The following CD180 variants were observed in gnomAD, a reference collection of about 807,000 sequenced individuals.
The protein encoded by CD180 is CD180 molecule, also known as CD180 antigen.
In CD180, 11 loss-of-function variants were observed where a neutral mutation model predicts 10.7. The ratio of observed to expected loss-of-function variants is 1.03; its 90% CI spans 0.65 to 1.70. The LOEUF is 1.70. Among genes scored for constraint, CD180 ranks in the 40% most tolerant of loss-of-function variants. The pLI is 0.00. For synonymous variants in CD180, 286 were observed against 294.6 expected (o/e 0.97, Z 0.30); for missense variants, 729 against 775.2 (o/e 0.94, Z 0.71).
rs1469342639 is a variant in CD180, at chr5:67,188,429, G to C, written c.91-2412C>G. On this transcript the variant is annotated intron_variant, in intron 1 of 2. Transcript: ENST00000256447. ...AAGCACAAGAACAAGGACATCCCAG[G>C]ACCTTGGGCCAGCTCTCAGATCATC... is the stretch of plus-strand genomic sequence containing the variant. 2.0e-5 allele frequency among the ~76,000 whole-genome samples: 3 copies of C among 152,168 alleles called. No individual in the cohort carries two copies. In the East Asian group the frequency reaches 5.8e-4, roughly 29 times the overall value.
Position 67,179,963 on chromosome 5 carries a change from A to T in CD180, c.*2894T>A, listed in dbSNP as rs932402272. 7 of 152,274 alleles carry T rather than the reference A, an allele frequency of 4.6e-5. No homozygotes were observed. Among genetic ancestry groups the T allele is most frequent in the African/African-American group, 1.4e-4 (6 of 41,472 alleles). The allele number at this position is 152,274 out of a possible 1,614,324, so 9.4% of individuals were successfully genotyped here. On this transcript the variant is annotated 3_prime_UTR_variant, in exon 3 of 3. Coordinates refer to ENST00000256447, the MANE Select transcript of CD180 (RefSeq NM_005582.3). ...GGAGTAGCTTGTCAGAGCAGCAACA[A>T]CATGCAATACATAAAACCAATAAAC...
At chr5:67,187,184 G>C (rs1175304758) in intron 1 of CD180, among the ~76,000 whole-genome samples, 1 of 152,184 alleles carries the variant, frequency 6.6e-6, no homozygotes, top group Non-Finnish European at 1.5e-5. Context: ...ACAGCATGAT[G>C]CTGGAATTGG....
chr5:67,183,325 A>G lies in CD180; in HGVS notation c.1518T>C (p.Cys506=). 2 of 1,614,214 alleles carry G rather than the reference A, an allele frequency of 1.2e-6. No homozygotes were observed. Among genetic ancestry groups the G allele is most frequent in the African/African-American group, 1.3e-5 (1 of 75,054 alleles). Residue 506 remains cysteine (C), a synonymous_variant, in exon 3 of 3, where the codon TGT becomes TGC. Transcript: ENST00000256447. The part of the protein sequence containing the change: ...GSLEVLILSS[C]GLLSIDQQAF... Reference sequence around the variant, plus strand: ...CTTGCTGGTCTATAGAGAGGAGACCACAAGAGGACAAAATCAGAACCTCCA... The same window carrying G: ...CTTGCTGGTCTATAGAGAGGAGACCGCAAGAGGACAAAATCAGAACCTCCA...
At chr5:67,196,012 G>A (rs1742395187) in intron 1 of CD180, among the ~76,000 whole-genome samples, 1 of 152,214 alleles carries the variant, frequency 6.6e-6, no homozygotes, top group Non-Finnish European at 1.5e-5. Context: ...AAAACAGAAG[G>A]TGCAATTTGG....
At chr5:67,185,062 TCACACACACA>T (rs57251966) in intron 2 of CD180, among the ~76,000 whole-genome samples, 1 of 145,008 alleles carries the variant, frequency 6.9e-6, no homozygotes, top group African/African-American at 2.6e-5. Context: ...AAATACTGGA[TCACACACACA>T]CACACACACA....
chr5:67,186,141 A>G (rs191493638), intron 1 of CD180, 124 bp from the exon 2 acceptor site: 18 of 583,116 alleles, frequency 3.1e-5, no homozygotes, highest in Non-Finnish European at 5.1e-5. Context: ...CCAAATATAC[A>G]CTTGCCAAAA....
Position 67,183,047 on chromosome 5 carries a change from A to G in CD180, c.1796T>C (p.Leu599Pro). ...ACACGTGGTCTCCTCCGAGCCTTCAAGTTTGTGCAGGTTTTCTTTGTACCA... is the reference window on the plus strand; with the variant it reads ...ACACGTGGTCTCCTCCGAGCCTTCAGGTTTGTGCAGGTTTTCTTTGTACCA... Reference protein sequence around the residue: ...LTWYKENLHKLEGSEETTCAN... With the variant: ...LTWYKENLHKPEGSEETTCAN... Residue 599 changes from leucine to proline, a missense_variant, in exon 3 of 3, where the codon CTT becomes CCT. Transcript: ENST00000256447. 2 of 1,613,584 alleles carry G rather than the reference A, an allele frequency of 1.2e-6. No homozygotes were observed. The highest frequency in any genetic ancestry group is 1.1e-5 in the South Asian group (1 of 90,922).
Position 67,183,625 on chromosome 5 carries a change from A to C in CD180, c.1218T>G (p.Asn406Lys), listed in dbSNP as rs1742108872. Residue 406 changes from asparagine (N) to lysine (K), a missense_variant, in exon 3 of 3, where the codon AAT (asparagine) becomes AAG (lysine). Transcript: ENST00000256447. ...CCTGACTCTGGAGACCAAGAGGCTC[A>C]TTGTGGCTCAGGTTTAAGGTTTGCA... ...SHLQTLNLSH[N>K]EPLGLQSQAF... is the part of the protein sequence containing the mutation. The C allele has an allele frequency of 1.2e-6, 2 of 1,614,224 alleles. No homozygotes were observed. The highest frequency in any genetic ancestry group is 1.7e-6 in the Non-Finnish European group (2 of 1,180,028).
chr5:67,187,641 G>T (rs1177927589), intron 1 of CD180, among the ~76,000 whole-genome samples: 2 of 152,208 alleles, frequency 1.3e-5, no homozygotes, highest in East Asian at 3.9e-4. Context: ...ATGAAGGGTA[G>T]TGGGGAAAAT....
intron 1 of CD180, among the ~76,000 whole-genome samples, chr5:67,188,933 T>A (rs192149665): frequency 6.6e-6 from 1 of 152,328 alleles, no homozygotes; most frequent in Non-Finnish European, 1.5e-5. Context: ...CATTTAAAAC[T>A]TAGATTTAGC....
intron 1 of CD180, among the ~76,000 whole-genome samples, chr5:67,190,084 C>T (rs1184918726): frequency 6.6e-6 from 1 of 152,124 alleles, no homozygotes; most frequent in Non-Finnish European, 1.5e-5. Context: ...GAGACAGTTC[C>T]TCAGCCTTTG....
At chr5:67,190,576 T>C (rs899150824) in intron 1 of CD180, among the ~76,000 whole-genome samples, 3 of 152,268 alleles carry the variant, frequency 2.0e-5, no homozygotes, top group African/African-American at 7.2e-5. Flanking sequence ...GACTTCTTGA[T>C]GTGAACTCAC....
rs1422928583 is a variant in CD180 at position 67,182,835 on chromosome 5, CT to C, written c.*21del. ...CAATTTTGCTAAGCACACTTATTTGCTTTCTCTGGAAACCTTCAGCACTAAA... is the reference window on the plus strand; with the variant it reads ...CAATTTTGCTAAGCACACTTATTTGCTTCTCTGGAAACCTTCAGCACTAAA... On this transcript the variant is annotated 3_prime_UTR_variant, in exon 3 of 3. Transcript: ENST00000256447. 4.5e-6 allele frequency: 7 copies of C among 1,559,658 alleles called. No homozygotes were observed. In the African/African-American group the frequency reaches 8.2e-5, roughly 18 times the overall value.
At chr5:67,188,485 C>T (rs1453872815) in intron 1 of CD180, among the ~76,000 whole-genome samples, 5 of 152,196 alleles carry the variant, frequency 3.3e-5, no homozygotes, top group Non-Finnish European at 5.9e-5. Flanking sequence ...TTCACCCTTC[C>T]AGCCCCTGCC....
chr5:67,183,186 T>A lies in CD180; in HGVS notation c.1657A>T (p.Asn553Tyr). The change falls in exon 3 of 3, where the codon AAC becomes TAC. Residue 553 changes from asparagine to tyrosine, a missense_variant. Asn to Tyr is a moderately radical substitution (Grantham distance 143). Transcript: ENST00000256447. ...LKGIYLNLAA[N>Y]SINIISPRLL... ...CGGGGTGAGATGATGTTAATGCTGT[T>A]GGCAGCCAGATTGAGGTAGATTCCC... 1 of 1,611,518 alleles carries A rather than the reference T, an allele frequency of 6.2e-7. No individual in the cohort carries two copies. Among genetic ancestry groups the A allele is most frequent in the Non-Finnish European group, 8.5e-7 (1 of 1,178,144 alleles).
Position 67,181,960 on chromosome 5 carries a change from C to T in CD180, c.*897G>A, listed in dbSNP as rs1259846334. On this transcript the variant is annotated 3_prime_UTR_variant, in exon 3 of 3. Coordinates refer to ENST00000256447, the MANE Select transcript of CD180 (RefSeq NM_005582.3). ...TCCGAAGCAAATAGGCTTTTAAGGG[C>T]AAGCCTGAGAACCAAACCACGATTT... 6.6e-6 allele frequency: 1 copy of T among 152,188 alleles called. No homozygotes were observed. Among genetic ancestry groups the T allele is most frequent in the African/African-American group, 2.4e-5 (1 of 41,454 alleles). The allele number at this position is 152,188 out of a possible 1,614,324, so 9.4% of individuals were successfully genotyped here. A position where few individuals can be genotyped will look rare whatever the true frequency, so the allele number is the denominator to read the frequency against.
At position 67,183,611 on chromosome 5, in the gene CD180, A is replaced by G; in HGVS notation, c.1232T>C (p.Leu411Pro). 3 of 1,614,218 alleles carry G rather than the reference A, an allele frequency of 1.9e-6. No homozygotes were observed. Among genetic ancestry groups the G allele is most frequent in the Non-Finnish European group, 2.5e-6 (3 of 1,180,040 alleles). Residue 411 changes from leucine to proline, a missense_variant, in exon 3 of 3, where the codon CTC becomes CCC. Coordinates refer to ENST00000256447, the MANE Select transcript of CD180 (RefSeq NM_005582.3). ...LNLSHNEPLG[L>P]QSQAFKECPQ... The stretch of plus-strand genomic sequence containing the variant: ...ACATTCTTTGAATGCCTGACTCTGG[A>G]GACCAAGAGGCTCATTGTGGCTCAG...
chr5:67,189,318 G>A (rs1742257180), intron 1 of CD180, among the ~76,000 whole-genome samples: 1 of 152,200 alleles, frequency 6.6e-6, no homozygotes, highest in Non-Finnish European at 1.5e-5. Context: ...GAGAATCCAG[G>A]AGGAGCTCTG....
chr5:67,183,375 T>G lies in CD180; in HGVS notation c.1468A>C (p.Asn490His). Reference protein sequence around the residue: ...HFQDGTITKTNLLQTVGSLEV... With the variant: ...HFQDGTITKTHLLQTVGSLEV... ...AAGCTGCCCACGGTCTGAAGTAGGT[T>G]GGTCTTCGTGATAGTCCCATCTTGA... The change falls in exon 3 of 3, where the codon AAC (asparagine) becomes CAC (histidine). Residue 490 changes from asparagine to histidine, a missense_variant. By Grantham distance (68) the Asn-to-His change is moderately conservative (BLOSUM62 1). Coordinates refer to ENST00000256447, the MANE Select transcript of CD180 (RefSeq NM_005582.3). 1.2e-6 allele frequency: 2 copies of G among 1,614,218 alleles called. No homozygotes were observed. The highest frequency in any genetic ancestry group is 1.7e-6 in the Non-Finnish European group (2 of 1,180,034).
Sources: gnomAD v4.1 joint callset for allele counts (sites outside exome capture counted in the v4.1 genomes callset) on GRCh38, gnomAD v4.1.1 for gene constraint, MANE v1.5 for transcripts, NCBI Gene and HGNC (gene_info 2026-07-23, HGNC 2026-07-21) for gene names.